Variants in STIM2 observed in about 807,000 individuals in gnomAD.
STIM2 encodes stromal interaction molecule 2.
STIM2 carries 31 observed loss-of-function variants against 85.8 expected under a neutral mutation model. That is an observed-to-expected ratio of 0.36 (90% CI 0.27 to 0.49). STIM2 has a LOEUF of 0.49. Ranked by LOEUF, STIM2 falls within the 20% of genes least tolerant of loss-of-function variation. STIM2 has a pLI of 0.98. For missense variants in STIM2, 841 were observed against 927.6 expected, an observed-to-expected ratio of 0.91 and a Z score of 1.21; for synonymous variants, 356 against 331.1, an observed-to-expected ratio of 1.08 and a Z score of -0.82.
intron 3 of STIM2, among the ~76,000 whole-genome samples, chr4:26,969,825 T>C (rs916723376): frequency 1.3e-5 from 2 of 152,110 alleles, no homozygotes; most frequent in Non-Finnish European, 2.9e-5. Flanking sequence ...TAGATTCTAG[T>C]GGAACTGCAG....
At chr4:26,901,376 A>G (rs985746041) in intron 1 of STIM2, among the ~76,000 whole-genome samples, 1 of 152,204 alleles carries the variant, frequency 6.6e-6, no homozygotes, top group Non-Finnish European at 1.5e-5. Flanking sequence ...CAATAAACAT[A>G]TTAAATTCAT....
chr4:26,930,867 T>G (rs911366541), intron 2 of STIM2, among the ~76,000 whole-genome samples: 1 of 152,344 alleles, frequency 6.6e-6, no homozygotes, highest in African/African-American at 2.4e-5. Flanking sequence ...ACCCCAAAAC[T>G]TAGTGGCTTA....
intron 11 of STIM2, 43 bp from the exon 12 acceptor site, chr4:27,022,476 C>T: frequency 2.0e-6 from 3 of 1,482,426 alleles, no homozygotes; most frequent in Non-Finnish European, 2.8e-6. Context: ...CTCTTAAGAA[C>T]ATACTGATTT....
Position 26,861,214 on chromosome 4 carries a change from C to T in STIM2, c.-5C>T. 1 of 1,479,708 alleles carries T rather than the reference C, an allele frequency of 6.8e-7. No homozygotes were observed. The highest frequency in any genetic ancestry group is 2.9e-5 in the East Asian group (1 of 34,396). 91.7% of individuals were successfully genotyped at this position (1,479,708 alleles called of 1,614,324 possible). A position where few individuals can be genotyped will look rare whatever the true frequency, so the allele number is the denominator to read the frequency against. Reference sequence around the variant, plus strand: ...TGGCTGCTGCGGCGGCGGCGCTGGGCTGCGTTGCTGGTGCTCGGGCTGCTG... The same window carrying T: ...TGGCTGCTGCGGCGGCGGCGCTGGGTTGCGTTGCTGGTGCTCGGGCTGCTG... On this transcript the variant is annotated 5_prime_UTR_variant, in exon 1 of 12. Transcript: ENST00000467087.
At chr4:26,949,346 TTATTGA>T (rs1725959960) in intron 2 of STIM2, among the ~76,000 whole-genome samples, 1 of 152,184 alleles carries the variant, frequency 6.6e-6, no homozygotes, top group Non-Finnish European at 1.5e-5. Context: ...ATGGTCTAAA[TTATTGA>T]CCTTTATTTT....
chr4:26,999,361 C>T lies in STIM2; in HGVS notation c.625+14C>T. 1 of 1,527,354 alleles carries T rather than the reference C, an allele frequency of 6.5e-7. No homozygotes were observed. Among genetic ancestry groups the T allele is most frequent in the African/African-American group, 1.4e-5 (1 of 71,926 alleles). 94.6% of individuals were successfully genotyped at this position (1,527,354 alleles called of 1,614,324 possible). On this transcript the variant is annotated intron_variant, in intron 5 of 11. Transcript: ENST00000467087. The stretch of plus-strand genomic sequence containing the variant: ...GACCTCTAACACGTTAGTATTCTCT[C>T]TCACTCAGAGGATGATGTAAAAGAA...
chr4:26,862,559 G>A (rs926022993), intron 1 of STIM2, among the ~76,000 whole-genome samples: 3 of 141,524 alleles, frequency 2.1e-5, no homozygotes, highest in Non-Finnish European at 4.5e-5. Context: ...TACTATTCTA[G>A]AGAGAAGAAG....
chr4:26,971,904 C>G (rs1179793902), intron 3 of STIM2, among the ~76,000 whole-genome samples: 1 of 151,708 alleles, frequency 6.6e-6, no homozygotes, highest in Non-Finnish European at 1.5e-5. Context: ...TTTGTGTCCT[C>G]TTTTATTTCC....
chr4:26,874,090 G>A (rs1463363449), intron 1 of STIM2: 4 of 598,882 alleles, frequency 6.7e-6, no homozygotes, highest in African/African-American at 1.9e-5. Context: ...TTAGCTGAGC[G>A]AGCTGCAGCT....
intron 9 of STIM2, 63 bp from the exon 10 acceptor site, chr4:27,008,699 CTT>C: frequency 6.6e-7 from 1 of 1,505,912 alleles, no homozygotes; most frequent in Non-Finnish European, 9.2e-7. Context: ...CATGTATTGC[CTT>C]TTTTCAGTGC....
rs750073753 is a variant in STIM2, at chr4:27,007,710, T to C, written c.1149+10T>C. The C allele has an allele frequency of 1.3e-6, 2 of 1,544,220 alleles. No homozygotes were observed. Among genetic ancestry groups the C allele is most frequent in the Admixed American group, 2.1e-5 (1 of 47,462 alleles). On this transcript the variant is annotated intron_variant, in intron 8 of 11. Coordinates refer to ENST00000467087, the MANE Select transcript of STIM2 (RefSeq NM_020860.4). Reference sequence around the variant, plus strand: ...TATTGCTAAAGATGAGGTACTCTCTTGTATTTCAAAATTTACTAAATTTGT... The same window carrying C: ...TATTGCTAAAGATGAGGTACTCTCTCGTATTTCAAAATTTACTAAATTTGT...
intron 2 of STIM2, among the ~76,000 whole-genome samples, chr4:26,944,672 C>T (rs984042595): frequency 2.6e-5 from 4 of 152,114 alleles, no homozygotes; most frequent in African/African-American, 9.7e-5. Flanking sequence ...GTGTAATAAT[C>T]TTTTCTAGTA....
chr4:26,962,608 G>GTA lies in STIM2; in HGVS notation c.397+4883_397+4884insAT, dbSNP rs34537284. Among the ~76,000 whole-genome samples the GTA allele has an allele frequency of 3.4e-3, 288 of 85,706 alleles. 1 individual carries two copies. Among genetic ancestry groups the GTA allele is most frequent in the African/African-American group, 0.012 (281 of 22,734 alleles). The allele number at this position is 85,706 out of a possible 152,430, so 56.2% of individuals were successfully genotyped here. A position where few individuals can be genotyped will look rare whatever the true frequency, so the allele number is the denominator to read the frequency against. On this transcript the variant is annotated intron_variant, in intron 3 of 11. Coordinates refer to ENST00000467087, the MANE Select transcript of STIM2 (RefSeq NM_020860.4). ...TGTGTGTGTGTGTGTGTGTATGTGT[G>GTA]TCTGTGTCTGTGTGTAGAGAGAATG...
At chr4:26,984,413 T>G (rs1699979319) in intron 3 of STIM2, among the ~76,000 whole-genome samples, 1 of 152,248 alleles carries the variant, frequency 6.6e-6, no homozygotes, top group South Asian at 2.1e-4. Flanking sequence ...CAGGCTGGAA[T>G]GCAGTAGCGT....
chr4:26,995,434 A>G lies in STIM2; in HGVS notation c.453A>G (p.Leu151=). ...AGTGGTTGATAGAGTTTGTTGAACT[A>G]CCCCAATATGAGAAGAATTTTAGAG... Residue 151 remains leucine, a synonymous_variant, in exon 4 of 12, where the codon CTA becomes CTG. Transcript: ENST00000467087. 1.9e-6 allele frequency: 3 copies of G among 1,604,572 alleles called. No individual in the cohort carries two copies. The highest frequency in any genetic ancestry group is 2.6e-6 in the Non-Finnish European group (3 of 1,175,660).
chr4:26,957,877 T>C lies in STIM2; in HGVS notation c.397+151T>C, dbSNP rs572089723. 1.3e-4 allele frequency: 72 copies of C among 546,136 alleles called. No individual in the cohort carries two copies. The South Asian group carries it at 1.6e-3, about 12-fold the overall frequency. The allele number at this position is 546,136 out of a possible 1,614,324, so 33.8% of individuals were successfully genotyped here. A position where few individuals can be genotyped will look rare whatever the true frequency, so the allele number is the denominator to read the frequency against. On this transcript the variant is annotated intron_variant, in intron 3 of 11. Coordinates refer to ENST00000467087, the MANE Select transcript of STIM2 (RefSeq NM_020860.4). ...TATTTTAGTAAATAATTTTCCCTTC[T>C]TGTTTTTGATAGATGATTTTTATCT...
chr4:26,932,237 T>C (rs1417396246), intron 2 of STIM2, among the ~76,000 whole-genome samples: 1 of 152,246 alleles, frequency 6.6e-6, no homozygotes, highest in Non-Finnish European at 1.5e-5. Flanking sequence ...TAGTGTTTCT[T>C]GTTTCTCTGT....
chr4:26,880,348 G>A (rs1722958638), intron 1 of STIM2, among the ~76,000 whole-genome samples: 1 of 151,970 alleles, frequency 6.6e-6, no homozygotes, highest in Non-Finnish European at 1.5e-5. Flanking sequence ...TATAGGAGCA[G>A]GCTCTGTCTT....
intron 2 of STIM2, among the ~76,000 whole-genome samples, chr4:26,943,476 C>T (rs1250734867): frequency 6.6e-6 from 1 of 152,152 alleles, no homozygotes; most frequent in Non-Finnish European, 1.5e-5. Context: ...CTTAGGCTCG[C>T]ACCTGGATCC....
Sources: gnomAD v4.1 joint callset for allele counts (sites outside exome capture counted in the v4.1 genomes callset) on GRCh38, gnomAD v4.1.1 for gene constraint, MANE v1.5 for transcripts, NCBI Gene and HGNC (gene_info 2026-07-23, HGNC 2026-07-21) for gene names.